LZTS1: variants seen among roughly 807,000 people sequenced by gnomAD.
The protein encoded by LZTS1 is leucine zipper tumor suppressor 1.
A neutral mutation model predicts 45.8 loss-of-function variants in LZTS1; 31 were observed. The ratio of observed to expected loss-of-function variants is 0.68; its 90% CI spans 0.51 to 0.91. The LOEUF is 0.91. LZTS1 is among the 40% of genes least tolerant of loss of function. LZTS1 has a pLI of 0.00. For missense variants in LZTS1, 821 were observed against 788.9 expected (o/e 1.04, Z -0.49); for synonymous variants, 359 against 357.3 (o/e 1.00, Z -0.05).
rs1036580293 is a variant in LZTS1, at chr8:20,253,034, C to T, written c.897G>A (p.Pro299=). ...LASSLAYEER[P]RRCRDELEGP... ...CCTCCAGCTCGTCCCTGCAGCGCCG[C>T]GGCCGCTCCTCGTAGGCCAGGCTGG... The change falls in exon 3 of 4, where the codon CCG becomes CCA. Residue 299 remains proline, a synonymous_variant. Coordinates refer to ENST00000381569, the MANE Select transcript of LZTS1 (RefSeq NM_021020.5). The T allele has an allele frequency of 1.9e-5, 30 of 1,603,000 alleles. No homozygotes were observed. Among genetic ancestry groups the T allele is most frequent in the South Asian group, 5.5e-5 (5 of 90,842 alleles).
At chr8:20,276,286 A>G (rs1177346910) in intron 1 of LZTS1, among the ~76,000 whole-genome samples, 1 of 150,422 alleles carries the variant, frequency 6.6e-6, no homozygotes, top group East Asian at 2.0e-4. Flanking sequence ...GCTTCAGAAT[A>G]GGGCAGGTCA....
chr8:20,251,981 G>T (rs903998), intron 3 of LZTS1, among the ~76,000 whole-genome samples: 121,154 of 151,980 alleles, frequency 0.8, 48,523 homozygotes, highest in East Asian at 0.92. Flanking sequence ...TAGACTGAGA[G>T]TTGGACTCTG....
rs11780242 is a variant in LZTS1 at position 20,248,485 on chromosome 8, G to C, written c.*1237C>G. ...AGCTGCTCTCTGGATCCTTTAGTCT[G>C]GGACAAATGGGGGTCTTGAGGTGGA... On this transcript the variant is annotated 3_prime_UTR_variant, in exon 4 of 4. Coordinates refer to ENST00000381569, the MANE Select transcript of LZTS1 (RefSeq NM_021020.5). 0.34 allele frequency: 51,374 copies of C among 152,306 alleles called. 10,144 individuals are homozygous for C. The highest frequency in any genetic ancestry group is 0.45 in the Admixed American group (6,899 of 15,266). The allele number at this position is 152,306 out of a possible 1,614,324, so 9.4% of individuals were successfully genotyped here.
intron 1 of LZTS1, among the ~76,000 whole-genome samples, chr8:20,257,205 G>C (rs1800124448): frequency 6.6e-6 from 1 of 152,076 alleles, no homozygotes; most frequent in South Asian, 2.1e-4. Flanking sequence ...TAAAAAATTA[G>C]CCAGGCAAAT....
intron 3 of LZTS1, among the ~76,000 whole-genome samples, chr8:20,251,127 AT>A (rs1268939643): frequency 9.2e-5 from 3 of 32,650 alleles, no homozygotes; most frequent in African/African-American, 4.3e-4. Flanking sequence ...ATATATATAT[AT>A]ATATATATAT....
chr8:20,299,976 C>A (rs1045903733), intron 1 of LZTS1, among the ~76,000 whole-genome samples: 1 of 152,198 alleles, frequency 6.6e-6, no homozygotes, highest in African/African-American at 2.4e-5. Context: ...GCTCAAAGTG[C>A]AGGATTTTAA....
At chr8:20,266,661 C>G (rs1355481994) in intron 1 of LZTS1, among the ~76,000 whole-genome samples, 1 of 152,118 alleles carries the variant, frequency 6.6e-6, no homozygotes, top group Non-Finnish European at 1.5e-5. Flanking sequence ...GATCTGACAG[C>G]TATGTACACC....
chr8:20,275,237 A>G (rs1800555644), intron 1 of LZTS1, among the ~76,000 whole-genome samples: 1 of 152,036 alleles, frequency 6.6e-6, no homozygotes, highest in Non-Finnish European at 1.5e-5. Context: ...CCCCATCTCT[A>G]CTAAAAATAC....
rs534826986 is a variant in LZTS1 at position 20,269,793 on chromosome 8, C to G, written c.-134-14478G>C. 3.9e-5 allele frequency among the ~76,000 whole-genome samples: 6 copies of G among 152,266 alleles called. No homozygotes were observed. In the South Asian group the frequency reaches 1.2e-3, roughly 32 times the overall value. ...CTTTGTGGGATGCCTTTGTACCTCC[C>G]CTCTCTCCAAAATTCTGATCTTCCT... On this transcript the variant is annotated intron_variant, in intron 1 of 3. Transcript: ENST00000381569.
chr8:20,300,874 C>A (rs1329835506), intron 1 of LZTS1, among the ~76,000 whole-genome samples: 1 of 152,106 alleles, frequency 6.6e-6, no homozygotes, highest in Non-Finnish European at 1.5e-5. Context: ...AATCCCAACA[C>A]TTTGGGAGGC....
Position 20,298,403 on chromosome 8 carries a change from C to A in LZTS1, c.-135+5337G>T, listed in dbSNP as rs150024720. Among the ~76,000 whole-genome samples the A allele has an allele frequency of 1.7e-3, 262 of 152,252 alleles. 2 individuals are homozygous for A. The highest frequency in any genetic ancestry group is 5.8e-3 in the African/African-American group (242 of 41,526). ...AGGCGCACTTGGTTTCCTCATCTGC[C>A]AAATGGCAAAGGGAATCTTCTCACA... On this transcript the variant is annotated intron_variant, in intron 1 of 3. Coordinates refer to ENST00000381569, the MANE Select transcript of LZTS1 (RefSeq NM_021020.5).
chr8:20,262,721 G>T (rs1478119012), intron 1 of LZTS1, among the ~76,000 whole-genome samples: 1 of 152,064 alleles, frequency 6.6e-6, no homozygotes, highest in Admixed American at 6.6e-5. Flanking sequence ...TCATGATGGG[G>T]GTGCTACTGT....
chr8:20,276,819 GA>G (rs1188414693), intron 1 of LZTS1, among the ~76,000 whole-genome samples: 2 of 152,204 alleles, frequency 1.3e-5, no homozygotes, highest in Non-Finnish European at 2.9e-5. Flanking sequence ...TGTTGGTTGG[GA>G]AAACCCCACA....
chr8:20,259,597 C>T (rs74688636), intron 1 of LZTS1, among the ~76,000 whole-genome samples: 5,260 of 152,246 alleles, frequency 0.035, 290 homozygotes, highest in African/African-American at 0.12. Flanking sequence ...CACCTTGTCC[C>T]GCCATGTCCC....
chr8:20,272,503 C>T (rs1168452919), intron 1 of LZTS1, among the ~76,000 whole-genome samples: 1 of 152,050 alleles, frequency 6.6e-6, no homozygotes, highest in Non-Finnish European at 1.5e-5. Context: ...CTTTTTTGAG[C>T]CCAGATGCCG....
In LZTS1 at chr8:20,252,765, G is replaced by A. The variant is rs1799963019; in HGVS notation, c.1149+17C>T. On this transcript the variant is annotated intron_variant, in intron 3 of 3. Coordinates refer to ENST00000381569, the MANE Select transcript of LZTS1 (RefSeq NM_021020.5). Reference sequence around the variant, plus strand: ...AACCGCTGACCACCCAAACCCATGAGCCCTGTGTGGCCTCACCTCCCACTG... The same window carrying A: ...AACCGCTGACCACCCAAACCCATGAACCCTGTGTGGCCTCACCTCCCACTG... 4.7e-6 allele frequency: 7 copies of A among 1,505,218 alleles called. No homozygotes were observed. The highest frequency in any genetic ancestry group is 6.2e-6 in the Non-Finnish European group (7 of 1,127,188). The allele number at this position is 1,505,218 out of a possible 1,614,324, so 93.2% of individuals were successfully genotyped here. A position where few individuals can be genotyped will look rare whatever the true frequency, so the allele number is the denominator to read the frequency against.
Position 20,253,555 on chromosome 8 carries a change from C to T in LZTS1, c.376G>A (p.Ala126Thr). The change falls in exon 3 of 4, where the codon GCC (alanine) becomes ACC (threonine). Residue 126 changes from alanine (A) to threonine (T), a missense_variant. Physicochemically the swap from Ala to Thr is moderately conservative, Grantham distance 58. Coordinates refer to ENST00000381569, the MANE Select transcript of LZTS1 (RefSeq NM_021020.5). ...GSEKGAVRPT[A>T]FKPVLPRSGA... is the part of the protein sequence containing the mutation. ...GACCGTGGCAGCACAGGCTTGAAGG[C>T]TGTGGGCCTCACTGCACCCTTCTCG... 6.7e-7 allele frequency: 1 copy of T among 1,488,276 alleles called. No individual in the cohort carries two copies. The highest frequency in any genetic ancestry group is 8.9e-7 in the Non-Finnish European group (1 of 1,120,592). 92.2% of individuals were successfully genotyped at this position (1,488,276 alleles called of 1,614,324 possible). A position where few individuals can be genotyped will look rare whatever the true frequency, so the allele number is the denominator to read the frequency against.
chr8:20,275,360 G>A (rs1352605206), intron 1 of LZTS1, among the ~76,000 whole-genome samples: 10 of 138,122 alleles, frequency 7.2e-5, no homozygotes, highest in East Asian at 2.0e-4. Flanking sequence ...CGAGATGATC[G>A]CGCCACTGCA....
At chr8:20,287,724 C>T (rs1004921200) in intron 1 of LZTS1, among the ~76,000 whole-genome samples, 15 of 151,854 alleles carry the variant, frequency 9.9e-5, no homozygotes, top group African/African-American at 3.4e-4. Context: ...ATCAGGAGTT[C>T]GAGACCAGCC....
Sources: gnomAD v4.1 joint callset for allele counts (sites outside exome capture counted in the v4.1 genomes callset) on GRCh38, gnomAD v4.1.1 for gene constraint, MANE v1.5 for transcripts, NCBI Gene and HGNC (gene_info 2026-07-23, HGNC 2026-07-21) for gene names.